The following TXN2 variants were observed in gnomAD, a reference collection of about 807,000 sequenced individuals.
The protein encoded by TXN2 is thioredoxin 2.
TXN2 carries 12 observed loss-of-function variants against 14.6 expected under a neutral mutation model. That is an observed-to-expected ratio of 0.82 (90% CI 0.53 to 1.33). The LOEUF is 1.33. Among genes scored for constraint, TXN2 ranks in the 40% most tolerant of loss-of-function variants. TXN2 has a pLI of 0.00. For missense variants in TXN2, 173 were observed against 207.7 expected (o/e 0.83, Z 1.03); for synonymous variants, 89 against 81.0 (o/e 1.10, Z -0.53).
chr22:36,471,237 A>G (rs1298425269), intron 3 of TXN2, among the ~76,000 whole-genome samples: 1 of 152,172 alleles, frequency 6.6e-6, no homozygotes, highest in East Asian at 1.9e-4. Context: ...ATACGCTACG[A>G]CGTGTTGCCT....
At position 36,467,932 on chromosome 22, in the gene TXN2, C is replaced by T. The variant is rs372250363; in HGVS notation, c.388-15G>A. 40 of 1,606,004 alleles carry T rather than the reference C, an allele frequency of 2.5e-5. No individual in the cohort carries two copies. The highest frequency in any genetic ancestry group is 3.3e-4 in the Middle Eastern group (2 of 6,054). On this transcript the variant is annotated splice_polypyrimidine_tract_variant and intron_variant, in intron 3 of 3. Coordinates refer to ENST00000216185, the MANE Select transcript of TXN2 (RefSeq NM_012473.4). ...ACCGCTGACACCTGGGTGGAGAGGA[C>T]AAGGGGGTCCAAGTGAATTGGGAGT...
intron 2 of TXN2, among the ~76,000 whole-genome samples, chr22:36,479,253 A>C (rs1207576024): frequency 6.6e-6 from 1 of 152,200 alleles, no homozygotes; most frequent in Non-Finnish European, 1.5e-5. Context: ...CCAAGGCCAC[A>C]GGGTGAGTCA....
intron 3 of TXN2, among the ~76,000 whole-genome samples, chr22:36,470,367 A>G (rs1933248285): frequency 6.6e-6 from 1 of 152,174 alleles, no homozygotes; most frequent in Non-Finnish European, 1.5e-5. Context: ...GGCCCGAAAG[A>G]GTTTGCTCCA....
chr22:36,471,538 G>A (rs1439094303), intron 3 of TXN2, among the ~76,000 whole-genome samples: 2 of 152,196 alleles, frequency 1.3e-5, no homozygotes, highest in Non-Finnish European at 1.5e-5. Context: ...AAAGATCGCT[G>A]TCACATGCTG....
In TXN2 at chr22:36,480,756, T is replaced by A. The variant is rs1053223731; in HGVS notation, c.82A>T (p.Thr28Ser). 1 of 1,613,372 alleles carries A rather than the reference T, an allele frequency of 6.2e-7. No individual in the cohort carries two copies. The highest frequency in any genetic ancestry group is 8.5e-7 in the Non-Finnish European group (1 of 1,179,760). The change falls in exon 2 of 4, where the codon ACT (threonine) becomes TCT (serine). Residue 28 changes from threonine (T) to serine (S), a missense_variant. Physicochemically the swap from Thr to Ser is moderately conservative, Grantham distance 58. Coordinates refer to ENST00000216185, the MANE Select transcript of TXN2 (RefSeq NM_012473.4). ...TGTGGGGTCTGCAGGGCTCTGGAAG[T>A]GAGGGGTGGCCACTGACCCTGAGAG... ...KPSQGQWPPL[T>S]SRALQTPQCS...
intron 3 of TXN2, among the ~76,000 whole-genome samples, chr22:36,474,194 A>G (rs1310890835): frequency 6.6e-6 from 1 of 151,710 alleles, no homozygotes; most frequent in Non-Finnish European, 1.5e-5. Context: ...TGAAAAAGTG[A>G]CTCACCCCTC....
At position 36,476,865 on chromosome 22, in the gene TXN2, G is replaced by A. The variant is rs1219828456; in HGVS notation, c.264-9C>T. The A allele has an allele frequency of 6.2e-6, 10 of 1,614,116 alleles. No individual in the cohort carries two copies. The highest frequency in any genetic ancestry group is 3.3e-5 in the Admixed American group (2 of 60,002). ...TGCAGGGTCCACACCACCTCAAAAG[G>A]CGAGAAAGGAAGCATCCAGTCAGTC... On this transcript the variant is annotated splice_polypyrimidine_tract_variant and intron_variant, in intron 2 of 3. Transcript: ENST00000216185.
chr22:36,476,926 A>G, intron 2 of TXN2, 70 bp from the exon 3 acceptor site: 1 of 1,590,998 alleles, frequency 6.3e-7, no homozygotes, highest in Non-Finnish European at 8.6e-7. Context: ...GGCTTCCCAG[A>G]CCTGCATCTT....
intron 3 of TXN2, chr22:36,468,550 C>A (rs1401334148): frequency 2.0e-5 from 7 of 346,642 alleles, no homozygotes; most frequent in Non-Finnish European, 4.0e-5. Context: ...ATAGTGAGAC[C>A]CTTTGTTTAC....
chr22:36,478,909 A>G (rs5756206), intron 2 of TXN2, among the ~76,000 whole-genome samples: 20,307 of 151,860 alleles, frequency 0.13, 1,447 homozygotes, highest in Non-Finnish European at 0.16. Context: ...AGCTGACTGA[A>G]CCACTGCAGT....
Position 36,467,688 on chromosome 22 carries a change from T to A in TXN2, c.*116A>T. ...GCACTCAGGGCTGGAGCCTGGGCTCTAAGCATGGGCCCCAGGAGCCAGACA... is the reference window on the plus strand; with the variant it reads ...GCACTCAGGGCTGGAGCCTGGGCTCAAAGCATGGGCCCCAGGAGCCAGACA... On this transcript the variant is annotated 3_prime_UTR_variant, in exon 4 of 4. Coordinates refer to ENST00000216185, the MANE Select transcript of TXN2 (RefSeq NM_012473.4). 4 of 899,212 alleles carry A rather than the reference T, an allele frequency of 4.4e-6. No individual in the cohort carries two copies. Among genetic ancestry groups the A allele is most frequent in the South Asian group, 4.4e-5 (3 of 68,844 alleles). The allele number at this position is 899,212 out of a possible 1,614,324, so 55.7% of individuals were successfully genotyped here. A position where few individuals can be genotyped will look rare whatever the true frequency, so the allele number is the denominator to read the frequency against.
intron 3 of TXN2, 132 bp downstream of exon 3, chr22:36,476,601 A>T: frequency 7.6e-7 from 1 of 1,318,482 alleles, no homozygotes; most frequent in Admixed American, 2.3e-5. Flanking sequence ...CAAAAAAAAA[A>T]AGCTCTGGAA....
At chr22:36,472,057 CA>C (rs138045972) in intron 3 of TXN2, among the ~76,000 whole-genome samples, 6,418 of 151,992 alleles carry the variant, frequency 0.042, 445 homozygotes, top group African/African-American at 0.15. Flanking sequence ...TGCTTCTGCC[CA>C]GCAGCAAAGA....
chr22:36,473,539 G>GA (rs1320695596), intron 3 of TXN2, among the ~76,000 whole-genome samples: 2 of 152,104 alleles, frequency 1.3e-5, no homozygotes, highest in Non-Finnish European at 2.9e-5. Flanking sequence ...TCTTCAGAAA[G>GA]AAAAGAGGAA....
intron 3 of TXN2, among the ~76,000 whole-genome samples, chr22:36,469,016 T>G (rs1019262926): frequency 6.6e-6 from 1 of 152,026 alleles, no homozygotes; most frequent in Non-Finnish European, 1.5e-5. Context: ...CACTCCAGCC[T>G]GGGTGACAGA....
In TXN2 at chr22:36,467,657, T is replaced by C; in HGVS notation, c.*147A>G. 2 of 688,928 alleles carry C rather than the reference T, an allele frequency of 2.9e-6. No individual in the cohort carries two copies. Among genetic ancestry groups the C allele is most frequent in the East Asian group, 5.5e-5 (2 of 36,576 alleles). The allele number at this position is 688,928 out of a possible 1,614,324, so 42.7% of individuals were successfully genotyped here. ...GATGGCCCCTGGGCAGTCCGCCAGC[T>C]CGGAAGCACTCAGGGCTGGAGCCTG... On this transcript the variant is annotated 3_prime_UTR_variant, in exon 4 of 4. Transcript: ENST00000216185.
chr22:36,471,777 C>T (rs1166310083), intron 3 of TXN2, among the ~76,000 whole-genome samples: 25 of 151,916 alleles, frequency 1.6e-4, no homozygotes, highest in Admixed American at 1.4e-3. Flanking sequence ...GAGACAAGGC[C>T]GGCCAATGTG....
chr22:36,467,803 G>T lies in TXN2; in HGVS notation c.*1C>A, dbSNP rs751850026. Reference sequence around the variant, plus strand: ...AGGGAACCAGGACTCATCCCTGCTTGTCAGCCAATCAGCTTCTTCAGGAAG... The same window carrying T: ...AGGGAACCAGGACTCATCCCTGCTTTTCAGCCAATCAGCTTCTTCAGGAAG... On this transcript the variant is annotated 3_prime_UTR_variant, in exon 4 of 4. Coordinates refer to ENST00000216185, the MANE Select transcript of TXN2 (RefSeq NM_012473.4). The T allele has an allele frequency of 6.2e-7, 1 of 1,612,828 alleles. No homozygotes were observed.
In TXN2 at chr22:36,480,674, G is replaced by A; in HGVS notation, c.164C>T (p.Thr55Met). ...ATTAAAGGTTGTCAAGGAGATCCTC[G>A]TGGTGTATATTGTCCGGGCTGGGTT... ...TPNPARTIYT[T>M]RISLTTFNIQ... The change falls in exon 2 of 4, where the codon ACG (threonine) becomes ATG (methionine). Residue 55 changes from threonine to methionine, a missense_variant. Transcript: ENST00000216185. 1 of 1,614,194 alleles carries A rather than the reference G, an allele frequency of 6.2e-7. No homozygotes were observed. The highest frequency in any genetic ancestry group is 8.5e-7 in the Non-Finnish European group (1 of 1,180,046).
Sources: gnomAD v4.1 joint callset for allele counts (sites outside exome capture counted in the v4.1 genomes callset) on GRCh38, gnomAD v4.1.1 for gene constraint, MANE v1.5 for transcripts, NCBI Gene and HGNC (gene_info 2026-07-23, HGNC 2026-07-21) for gene names.